The following TNPO1 variants were observed in gnomAD, a reference collection of about 807,000 sequenced individuals.
The protein encoded by TNPO1 is transportin 1.
TNPO1 carries 8 observed loss-of-function variants against 119.5 expected under a neutral mutation model. The observed-to-expected ratio is 0.07, with a 90% CI of 0.04 to 0.12. The LOEUF is 0.12. TNPO1 is among the 10% of genes least tolerant of loss of function. The pLI, the probability that TNPO1 is intolerant of heterozygous loss-of-function variation, is 1.00. For missense variants in TNPO1, 576 were observed against 1,089.8 expected, an observed-to-expected ratio of 0.53 and a Z score of 6.64; for synonymous variants, 362 against 363.0, an observed-to-expected ratio of 1.00 and a Z score of 0.03.
At chr5:72,835,796 AG>A (rs1744670783) in intron 1 of TNPO1, among the ~76,000 whole-genome samples, 1 of 152,220 alleles carries the variant, frequency 6.6e-6, no homozygotes, top group Non-Finnish European at 1.5e-5. Flanking sequence ...TTAATTCAAA[AG>A]TCTGAAGCCG....
At chr5:72,849,689 A>AT (rs1231597671) in intron 2 of TNPO1, among the ~76,000 whole-genome samples, 3 of 152,242 alleles carry the variant, frequency 2.0e-5, no homozygotes, top group East Asian at 3.9e-4. Flanking sequence ...ATCTGCTTGG[A>AT]TTTTTTAAAG....
chr5:72,843,996 G>C (rs758036651), intron 1 of TNPO1, among the ~76,000 whole-genome samples: 23 of 152,140 alleles, frequency 1.5e-4, no homozygotes, highest in Non-Finnish European at 3.2e-4. Flanking sequence ...AAAATTCACT[G>C]AGCACATGGT....
intron 7 of TNPO1, among the ~76,000 whole-genome samples, chr5:72,873,300 A>G (rs1747539859): frequency 6.6e-6 from 1 of 152,162 alleles, no homozygotes; most frequent in Non-Finnish European, 1.5e-5. Flanking sequence ...CTTGATAACA[A>G]TTAAAAGGAT....
At chr5:72,823,223 T>C (rs1744056471) in intron 1 of TNPO1, among the ~76,000 whole-genome samples, 1 of 152,156 alleles carries the variant, frequency 6.6e-6, no homozygotes, top group South Asian at 2.1e-4. Context: ...TCTTACTTCT[T>C]TCAGACTATG....
In TNPO1 at chr5:72,913,590, T is replaced by C. The variant is rs187252059; in HGVS notation, c.*4917T>C. ...TAATAAGAAAAGCAGTTTTTCCTTTTATTGCAGTTTTTGTTTATCTGCCAT... is the reference window on the plus strand; with the variant it reads ...TAATAAGAAAAGCAGTTTTTCCTTTCATTGCAGTTTTTGTTTATCTGCCAT... On this transcript the variant is annotated 3_prime_UTR_variant, in exon 25 of 25. Coordinates refer to ENST00000337273, the MANE Select transcript of TNPO1 (RefSeq NM_002270.4). 2 of 152,694 alleles carry C rather than the reference T, an allele frequency of 1.3e-5. No homozygotes were observed. The highest frequency in any genetic ancestry group is 1.9e-4 in the East Asian group (1 of 5,188). 9.5% of individuals were successfully genotyped at this position (152,694 alleles called of 1,614,324 possible).
chr5:72,868,607 T>G (rs920923052), intron 6 of TNPO1, among the ~76,000 whole-genome samples: 1 of 152,172 alleles, frequency 6.6e-6, no homozygotes, highest in Non-Finnish European at 1.5e-5. Flanking sequence ...TGTTATATGC[T>G]TAGTTATATG....
rs759815367 is a variant in TNPO1 at position 72,883,134 on chromosome 5, G to A, written c.1052G>A (p.Arg351Lys). The A allele has an allele frequency of 2.5e-6, 4 of 1,613,952 alleles. No individual in the cohort carries two copies. The highest frequency in any genetic ancestry group is 3.4e-6 in the Non-Finnish European group (4 of 1,180,026). The stretch of plus-strand genomic sequence containing the variant: ...ATACGGCCACGTTTTCACCGATCGA[G>A]GACGGTGGCTCAGCAGCATGATGAA... ...QDIRPRFHRS[R>K]TVAQQHDEDG... Residue 351 changes from arginine to lysine, a missense_variant, in exon 11 of 25, where the codon AGG (arginine) becomes AAG (lysine). By Grantham distance (26) the Arg-to-Lys change is conservative. Coordinates refer to ENST00000337273, the MANE Select transcript of TNPO1 (RefSeq NM_002270.4).
intron 4 of TNPO1, among the ~76,000 whole-genome samples, chr5:72,856,975 A>G (rs964271689): frequency 6.6e-6 from 1 of 152,158 alleles, no homozygotes; most frequent in South Asian, 2.1e-4. Context: ...GCTTCTGTTA[A>G]TCTACCCAGG....
intron 1 of TNPO1, among the ~76,000 whole-genome samples, chr5:72,845,925 G>T (rs1745105667): frequency 6.6e-6 from 1 of 152,176 alleles, no homozygotes; most frequent in Non-Finnish European, 1.5e-5. Context: ...CAGCAGGTAG[G>T]GTATGCCTGG....
intron 4 of TNPO1, among the ~76,000 whole-genome samples, chr5:72,857,683 A>T (rs943863470): frequency 4.6e-5 from 7 of 152,240 alleles, no homozygotes; most frequent in Admixed American, 3.9e-4. Context: ...AGCTGAAAGG[A>T]AAGGAGAGGA....
In TNPO1 at chr5:72,909,968, T is replaced by A. The variant is rs1750448468; in HGVS notation, c.*1295T>A. 1 of 152,634 alleles carries A rather than the reference T, an allele frequency of 6.6e-6. No homozygotes were observed. Among genetic ancestry groups the A allele is most frequent in the Non-Finnish European group, 1.5e-5 (1 of 68,040 alleles). 9.5% of individuals were successfully genotyped at this position (152,634 alleles called of 1,614,324 possible). On this transcript the variant is annotated 3_prime_UTR_variant, in exon 25 of 25. Coordinates refer to ENST00000337273, the MANE Select transcript of TNPO1 (RefSeq NM_002270.4). ...AATTTAAATTACGTGGTAAAAGATC[T>A]GTAAAAGGCTGCATAAATGTTAGTT...
rs1192848316 is a variant in TNPO1 at position 72,889,968 on chromosome 5, G to T, written c.1701+11G>T. On this transcript the variant is annotated intron_variant, in intron 14 of 24. Transcript: ENST00000337273. Reference sequence around the variant, plus strand: ...CATTTAAACAAACCAGTAAGTATCTGTTAAGAACTATTAGGGAAAATAATG... The same window carrying T: ...CATTTAAACAAACCAGTAAGTATCTTTTAAGAACTATTAGGGAAAATAATG... 2 of 1,610,166 alleles carry T rather than the reference G, an allele frequency of 1.2e-6. No individual in the cohort carries two copies. Among genetic ancestry groups the T allele is most frequent in the Non-Finnish European group, 1.7e-6 (2 of 1,178,636 alleles).
intron 21 of TNPO1, among the ~76,000 whole-genome samples, chr5:72,900,715 T>TGG (rs1453580788): frequency 1.3e-5 from 2 of 152,214 alleles, no homozygotes; most frequent in African/African-American, 4.8e-5. Flanking sequence ...ATAGTTTAAA[T>TGG]GGGAGATTCA....
chr5:72,906,075 C>G (rs962063750), intron 24 of TNPO1, among the ~76,000 whole-genome samples: 1 of 151,816 alleles, frequency 6.6e-6, no homozygotes, highest in Non-Finnish European at 1.5e-5. Context: ...TTCTTTTTTC[C>G]TGCAAGAAGA....
rs1286030089 is a variant in TNPO1, at chr5:72,913,204, GA to G, written c.*4532del. On this transcript the variant is annotated 3_prime_UTR_variant, in exon 25 of 25. Transcript: ENST00000337273. ...TGCATTTTATACTGTATTAAATATG[GA>G]GATACTTCTAATGCCTCTCTAAAAT... 6.6e-6 allele frequency: 1 copy of G among 152,424 alleles called. No individual in the cohort carries two copies. Among genetic ancestry groups the G allele is most frequent in the Non-Finnish European group, 1.5e-5 (1 of 67,898 alleles). 9.4% of individuals were successfully genotyped at this position (152,424 alleles called of 1,614,324 possible). A position where few individuals can be genotyped will look rare whatever the true frequency, so the allele number is the denominator to read the frequency against.
At chr5:72,844,818 A>G (rs1038302790) in intron 1 of TNPO1, among the ~76,000 whole-genome samples, 5 of 152,230 alleles carry the variant, frequency 3.3e-5, no homozygotes, top group Admixed American at 6.5e-5. Context: ...TTTACAGACT[A>G]TCCAACAAGG....
chr5:72,847,064 C>G (rs917219333), intron 1 of TNPO1, among the ~76,000 whole-genome samples: 6 of 151,490 alleles, frequency 4.0e-5, no homozygotes, highest in Non-Finnish European at 5.9e-5. Flanking sequence ...TGTTTAAGAA[C>G]AGTTTATTAG....
intron 2 of TNPO1, among the ~76,000 whole-genome samples, 155 bp downstream of exon 2, chr5:72,848,653 C>G (rs1481692239): frequency 6.7e-6 from 1 of 149,250 alleles, no homozygotes; most frequent in Non-Finnish European, 1.5e-5. Context: ...GGGAAGCCGC[C>G]GCTGCCCCTG....
intron 6 of TNPO1, among the ~76,000 whole-genome samples, chr5:72,871,404 T>C (rs1395969338): frequency 6.6e-6 from 1 of 152,200 alleles, no homozygotes; most frequent in Admixed American, 6.5e-5. Flanking sequence ...GGTAAATGTT[T>C]ATGTGCTTTG....
Sources: allele counts gnomAD v4.1 joint callset (sites outside exome capture counted in the v4.1 genomes callset), GRCh38; gene constraint gnomAD v4.1.1; transcripts MANE v1.5; gene names NCBI Gene and HGNC (gene_info 2026-07-23, HGNC 2026-07-21).